The following LAMB4 variants were observed in gnomAD, a reference collection of about 807,000 sequenced individuals.
The protein encoded by LAMB4 is laminin subunit beta 4.
LAMB4 carries 196 observed loss-of-function variants against 199.2 expected under a neutral mutation model. The ratio of observed to expected loss-of-function variants is 0.98; its 90% CI spans 0.88 to 1.11. The LOEUF is 1.11. LAMB4 is among the 50% of genes least tolerant of loss of function. LAMB4 has a pLI of 0.00. For synonymous variants in LAMB4, 744 were observed against 770.6 expected (o/e 0.97, Z 0.57); for missense variants, 2,080 against 2,171.2 (o/e 0.96, Z 0.83).
chr7:108,012,316 AG>A, the LAMB4 span, among the ~76,000 whole-genome samples: 1 of 152,246 alleles, frequency 6.6e-6, no homozygotes, highest in Admixed American at 6.5e-5. Flanking sequence ...AAATGATAAC[AG>A]GAGGTACTTT....
chr7:108,083,428 G>C (rs1323912446), intron 14 of LAMB4, among the ~76,000 whole-genome samples: 2 of 152,188 alleles, frequency 1.3e-5, no homozygotes, highest in African/African-American at 4.8e-5. Flanking sequence ...GGCCTTGGCA[G>C]CACTCTTTTC....
intron 26 of LAMB4, among the ~76,000 whole-genome samples, chr7:108,051,738 T>C (rs1316898190): frequency 6.6e-6 from 1 of 152,186 alleles, no homozygotes; most frequent in Non-Finnish European, 1.5e-5. Context: ...GAGTGGCCTA[T>C]ACCGAGAAAG....
intron 26 of LAMB4, among the ~76,000 whole-genome samples, chr7:108,050,379 T>C (rs2035788863): frequency 6.6e-6 from 1 of 152,226 alleles, no homozygotes; most frequent in African/African-American, 2.4e-5. Context: ...TGAGGAAACT[T>C]ATTTGCCTAA....
chr7:108,120,299 C>G (rs1241618431), intron 2 of LAMB4, among the ~76,000 whole-genome samples: 1 of 152,104 alleles, frequency 6.6e-6, no homozygotes, highest in Non-Finnish European at 1.5e-5. Context: ...CGTGTTATTT[C>G]TCTTACTTAA....
intron 23 of LAMB4, among the ~76,000 whole-genome samples, chr7:108,059,145 G>A (rs920396443): frequency 3.2e-5 from 4 of 123,360 alleles, no homozygotes; most frequent in African/African-American, 6.3e-5. Context: ...TTGCTCAGTC[G>A]CCCAAGCTGG....
At chr7:108,031,331 C>CAA (rs60572529) in intron 31 of LAMB4, among the ~76,000 whole-genome samples, 3 of 14,956 alleles carry the variant, frequency 2.0e-4, no homozygotes, top group Admixed American at 1.0e-3. Flanking sequence ...TCAACAATAA[C>CAA]AAAAAAAAAA....
At chr7:108,066,331 TA>T in intron 20 of LAMB4, 37 bp downstream of exon 20, 1 of 1,478,030 alleles carries the variant, frequency 6.8e-7, no homozygotes. Context: ...AACAAAGTGT[TA>T]AAGACCTAAA....
Position 108,122,557 on chromosome 7 carries a change from T to C in LAMB4, c.34+574A>G, listed in dbSNP as rs369721626. On this transcript the variant is annotated intron_variant, in intron 2 of 33. Transcript: ENST00000388781. ...CATGAAGAAATTCAGCATAAATCTT[T>C]GAAGTGAAGATTCTAAGCAATTTAG... Among the ~76,000 whole-genome samples, 5 of 152,348 alleles carry C rather than the reference T, an allele frequency of 3.3e-5. No individual in the cohort carries two copies. In the East Asian group the frequency reaches 7.7e-4, roughly 23 times the overall value.
intron 12 of LAMB4, among the ~76,000 whole-genome samples, chr7:108,094,112 G>A (rs1360609893): frequency 6.6e-6 from 1 of 152,228 alleles, no homozygotes; most frequent in African/African-American, 2.4e-5. Context: ...CCCCCATGGG[G>A]GGGGTCCCTG....
chr7:108,102,571 G>T (rs2037851674), intron 10 of LAMB4, among the ~76,000 whole-genome samples: 1 of 152,126 alleles, frequency 6.6e-6, no homozygotes, highest in Admixed American at 6.5e-5. Context: ...GGGTATAAGG[G>T]TGTATATTAT....
In LAMB4 at chr7:108,092,494, A is replaced by G. The variant is rs974171227; in HGVS notation, c.1471-78T>C. 153 of 1,079,504 alleles carry G rather than the reference A, an allele frequency of 1.4e-4. 1 individual carries two copies. The highest frequency in any genetic ancestry group is 1.1e-4 in the African/African-American group (7 of 64,096). The allele number at this position is 1,079,504 out of a possible 1,614,324, so 66.9% of individuals were successfully genotyped here. A position where few individuals can be genotyped will look rare whatever the true frequency, so the allele number is the denominator to read the frequency against. On this transcript the variant is annotated intron_variant, in intron 12 of 33. Coordinates refer to ENST00000388781, the MANE Select transcript of LAMB4 (RefSeq NM_007356.3). ...GAAGTGCAACACTGAAATCACTACA[A>G]TGCAATTGCCACACGTCAAATAGCC...
chr7:108,100,023 G>A lies in LAMB4; in HGVS notation c.1181-1441C>T, dbSNP rs139007089. Among the ~76,000 whole-genome samples the A allele has an allele frequency of 9.2e-3, 1,393 of 152,220 alleles. 22 individuals are homozygous for A. Among genetic ancestry groups the A allele is most frequent in the African/African-American group, 0.03 (1,254 of 41,524 alleles). On this transcript the variant is annotated intron_variant, in intron 10 of 33. Transcript: ENST00000388781. Reference sequence around the variant, plus strand: ...AACAAACTGGATTCATCTTAATAGTGGCCAAAAGGAAAAAGCTACAATTTC... The same window carrying A: ...AACAAACTGGATTCATCTTAATAGTAGCCAAAAGGAAAAAGCTACAATTTC...
At chr7:108,078,662 C>A (rs1448922227) in intron 15 of LAMB4, among the ~76,000 whole-genome samples, 1 of 152,182 alleles carries the variant, frequency 6.6e-6, no homozygotes, top group East Asian at 1.9e-4. Context: ...ATTTGGAATC[C>A]TTTACAAAAG....
chr7:108,056,323 G>A (rs1405088633), intron 24 of LAMB4, among the ~76,000 whole-genome samples: 6 of 152,156 alleles, frequency 3.9e-5, no homozygotes, highest in Non-Finnish European at 5.9e-5. Flanking sequence ...ATGGACACAC[G>A]ATAGTAACTC....
At position 108,085,512 on chromosome 7, in the gene LAMB4, A is replaced by G. The variant is rs182297109; in HGVS notation, c.1702-5726T>C. On this transcript the variant is annotated intron_variant, in intron 14 of 33. Coordinates refer to ENST00000388781, the MANE Select transcript of LAMB4 (RefSeq NM_007356.3). Reference sequence around the variant, plus strand: ...CTGACAAACTGAGAGAAAGACCATGAAAGAAAGTATAAAGCTTTATATGTT... The same window carrying G: ...CTGACAAACTGAGAGAAAGACCATGGAAGAAAGTATAAAGCTTTATATGTT... Among the ~76,000 whole-genome samples the G allele has an allele frequency of 7.9e-3, 1,206 of 152,366 alleles. 8 individuals carry two copies. The highest frequency in any genetic ancestry group is 0.013 in the Non-Finnish European group (868 of 68,034).
chr7:108,043,778 A>T lies in LAMB4; in HGVS notation c.4445T>A (p.Ile1482Asn). 1 of 1,589,280 alleles carries T rather than the reference A, an allele frequency of 6.3e-7. No homozygotes were observed. Among genetic ancestry groups the T allele is most frequent in the Non-Finnish European group, 8.6e-7 (1 of 1,165,754 alleles). Reference protein sequence around the residue: ...DSEEENINLFIKKVKNFLLEE... With the variant: ...DSEEENINLFNKKVKNFLLEE... Reference sequence around the variant, plus strand: ...TAACAAAAAGTTTTTCACTTTTTTGATGAAAAGATTGATGTTTTCTTCTTC... The same window carrying T: ...TAACAAAAAGTTTTTCACTTTTTTGTTGAAAAGATTGATGTTTTCTTCTTC... The change falls in exon 29 of 34, where the codon ATC becomes AAC. Residue 1482 changes from isoleucine (I) to asparagine (N), a missense_variant. Physicochemically the swap from Ile to Asn is moderately radical, Grantham distance 149. Coordinates refer to ENST00000388781, the MANE Select transcript of LAMB4 (RefSeq NM_007356.3).
At chr7:108,115,932 C>G (rs2038388737) in intron 3 of LAMB4, 72 bp downstream of exon 3, 2 of 1,496,238 alleles carry the variant, frequency 1.3e-6, no homozygotes, top group Admixed American at 3.6e-5. Flanking sequence ...CTGAGTAGCC[C>G]CAGGTGTACC....
downstream of LAMB4, among the ~76,000 whole-genome samples, chr7:108,022,343 A>G (rs1359047320): frequency 6.6e-6 from 1 of 152,220 alleles, no homozygotes; most frequent in Non-Finnish European, 1.5e-5. Flanking sequence ...AATTAGCCAC[A>G]AAGCTTTTCC....
intron 29 of LAMB4, among the ~76,000 whole-genome samples, chr7:108,040,798 A>G (rs2035396860): frequency 6.6e-6 from 1 of 152,216 alleles, no homozygotes; most frequent in African/African-American, 2.4e-5. Flanking sequence ...ACCCAAAAGT[A>G]TAAAAACCTT....
Sources: gnomAD v4.1 joint callset for allele counts (sites outside exome capture counted in the v4.1 genomes callset) on GRCh38, gnomAD v4.1.1 for gene constraint, MANE v1.5 for transcripts, NCBI Gene and HGNC (gene_info 2026-07-23, HGNC 2026-07-21) for gene names.